Variants in PCDHA7 observed in about 807,000 individuals in gnomAD.
PCDHA7 encodes protocadherin alpha-7.
Under a neutral mutation model 57.2 loss-of-function variants are expected in PCDHA7, and 37 were observed. The observed-to-expected ratio is 0.65, with a 90% CI of 0.50 to 0.85. The LOEUF is 0.85. Ranked by LOEUF, PCDHA7 falls within the 40% of genes least tolerant of loss-of-function variation. The pLI is 0.00. For missense variants in PCDHA7, 1,188 were observed against 1,241.8 expected (o/e 0.96, Z 0.65); for synonymous variants, 553 against 558.8 (o/e 0.99, Z 0.15).
Position 140,835,971 on chromosome 5 carries a change from C to A in PCDHA7, c.1588C>A (p.Leu530Met). Residue 530 changes from leucine to methionine, a missense_variant, in exon 1 of 4, where the codon CTG (leucine) becomes ATG (methionine). Physicochemically the swap from Leu to Met is conservative, Grantham distance 15. Coordinates refer to ENST00000525929, the MANE Select transcript of PCDHA7 (RefSeq NM_018910.3). ...GCCGTTGGACCACGAGGAGCTGGAG[C>A]TGTTGCAGTTCCAGGTGAGCGCGCG... is the stretch of plus-strand genomic sequence containing the variant. ...LQPLDHEELELLQFQVSARDA... is the reference protein window; with the variant it reads ...LQPLDHEELEMLQFQVSARDA... 2 of 1,613,332 alleles carry A rather than the reference C, an allele frequency of 1.2e-6. No homozygotes were observed. Among genetic ancestry groups the A allele is most frequent in the African/African-American group, 1.3e-5 (1 of 75,042 alleles).
intron 1 of PCDHA7, chr5:140,884,440 G>T: frequency 1.2e-6 from 2 of 1,613,830 alleles, no homozygotes; most frequent in Non-Finnish European, 1.7e-6. Flanking sequence ...TGCGGTGCTC[G>T]GCACCGCCCA....
Position 140,850,105 on chromosome 5 carries a change from C to T in PCDHA7, c.2355+13367C>T, listed in dbSNP as rs1554143759. 1.9e-6 allele frequency: 3 copies of T among 1,596,238 alleles called. No homozygotes were observed. In the East Asian group the frequency reaches 6.7e-5, roughly 36 times the overall value. ...GAGCTGCTACAGTTCCAGGTGAGCG[C>T]GCGCGACGCGGGCGTGCCGCCTCTG... On this transcript the variant is annotated intron_variant, in intron 1 of 3. Coordinates refer to ENST00000525929, the MANE Select transcript of PCDHA7 (RefSeq NM_018910.3).
intron 1 of PCDHA7, chr5:140,875,208 C>A: frequency 1.5e-6 from 1 of 668,546 alleles, no homozygotes; most frequent in Non-Finnish European, 2.2e-6. Flanking sequence ...GTGGCTAAAC[C>A]GAAAAGAACC....
rs2150253260 is a variant in PCDHA7 at position 140,836,120 on chromosome 5, G to A, written c.1737G>A (p.Glu579=). The A allele has an allele frequency of 1.2e-6, 2 of 1,613,746 alleles. No individual in the cohort carries two copies. Residue 579 remains glutamate, a synonymous_variant, in exon 1 of 4, where the codon GAG becomes GAA. Coordinates refer to ENST00000525929, the MANE Select transcript of PCDHA7 (RefSeq NM_018910.3). ...GTGGCACTGGTGGCGCAGTGAGAGA[G>A]CTTGTGCCGCGGTCTGTGGGCGCGG... is the stretch of plus-strand genomic sequence containing the variant. ...RVGGTGGAVR[E]LVPRSVGAGH...
chr5:140,936,981 T>C (rs2153630854), intron 1 of PCDHA7, among the ~76,000 whole-genome samples: 1 of 152,330 alleles, frequency 6.6e-6, no homozygotes, highest in South Asian at 2.1e-4. Flanking sequence ...ATGAAGCTTG[T>C]TAACATTGAC....
intron 1 of PCDHA7, chr5:140,864,944 T>C (rs1359231248): frequency 1.3e-5 from 2 of 152,162 alleles, no homozygotes; most frequent in Non-Finnish European, 2.9e-5. Flanking sequence ...AGGCCTGTAA[T>C]CCCAGCATTT....
chr5:140,852,671 T>C (rs1371221007), intron 1 of PCDHA7: 3 of 965,758 alleles, frequency 3.1e-6, no homozygotes, highest in East Asian at 1.1e-4. Context: ...TCAGCACAAC[T>C]CACCTTGAAT....
intron 1 of PCDHA7, among the ~76,000 whole-genome samples, chr5:140,917,890 T>C (rs782473137): frequency 1.3e-5 from 2 of 152,098 alleles, no homozygotes; most frequent in Non-Finnish European, 2.9e-5. Context: ...TTTTTTTCCA[T>C]ATGAATGTTA....
chr5:140,864,887 G>T (rs2048644726), intron 1 of PCDHA7: 1 of 152,148 alleles, frequency 6.6e-6, no homozygotes, highest in African/African-American at 2.4e-5. Flanking sequence ...TGTTCATTAA[G>T]CTGCATGGTC....
rs1774486364 is a variant in PCDHA7 at position 140,836,443 on chromosome 5, C to A, written c.2060C>A (p.Ala687Glu). The A allele has an allele frequency of 3.1e-6, 5 of 1,613,726 alleles. No individual in the cohort carries two copies. The highest frequency in any genetic ancestry group is 1.3e-5 in the African/African-American group (1 of 74,852). ...TCGTCGCGGGCATCGTTGGGCATTG[C>A]AGGCCCAGAGACCGAGCTGGTGGAT... ...KASSRASLGI[A>E]GPETELVDVN... Residue 687 changes from alanine to glutamate, a missense_variant, in exon 1 of 4, where the codon GCA becomes GAA. Physicochemically the swap from Ala to Glu is moderately radical, Grantham distance 107. Around this residue, in one of 3 missense-constraint regions of PCDHA7, gnomAD observed 892 missense variants for 788.5 expected, o/e 1.13. Transcript: ENST00000525929.
At chr5:140,915,772 G>A (rs1282338375) in intron 1 of PCDHA7, among the ~76,000 whole-genome samples, 1 of 151,950 alleles carries the variant, frequency 6.6e-6, no homozygotes, top group East Asian at 1.9e-4. Flanking sequence ...CTTGTCCAAG[G>A]CCTGCTGTAA....
At chr5:140,956,949 A>G (rs1027198370) in intron 1 of PCDHA7, among the ~76,000 whole-genome samples, 5 of 140,514 alleles carry the variant, frequency 3.6e-5, no homozygotes, top group African/African-American at 1.3e-4. Flanking sequence ...TTTACATTAA[A>G]ACACTGTAAT....
At chr5:140,952,389 ACT>A (rs2094739055) in intron 1 of PCDHA7, among the ~76,000 whole-genome samples, 2 of 151,722 alleles carry the variant, frequency 1.3e-5, no homozygotes, top group African/African-American at 4.8e-5. Flanking sequence ...GGTACCCTAA[ACT>A]CATCATTCTC....
At chr5:141,008,723 C>G (rs1480694972) in intron 3 of PCDHA7, among the ~76,000 whole-genome samples, 1 of 152,110 alleles carries the variant, frequency 6.6e-6, no homozygotes, top group Non-Finnish European at 1.5e-5. Flanking sequence ...GAGTGTATGT[C>G]CAACTAGACT....
At chr5:140,843,257 C>T (rs146582216) in intron 1 of PCDHA7, 1 of 1,595,938 alleles carries the variant, frequency 6.3e-7, no homozygotes, top group African/African-American at 1.3e-5. Flanking sequence ...TCCGCGCCAC[C>T]GTCTGCTGGT....
At chr5:140,861,430 A>G (rs370794784) in intron 1 of PCDHA7, 18 of 488,226 alleles carry the variant, frequency 3.7e-5, no homozygotes, top group African/African-American at 3.5e-4. Context: ...TTTCAGTTGG[A>G]TTCCAAAAGC....
chr5:140,840,523 A>G (rs1554137815), intron 1 of PCDHA7, among the ~76,000 whole-genome samples: 3 of 152,058 alleles, frequency 2.0e-5, no homozygotes, highest in African/African-American at 7.3e-5. Flanking sequence ...CAGAAGAAAG[A>G]TGAAGAACTA....
chr5:140,842,608 C>T lies in PCDHA7; in HGVS notation c.2355+5870C>T, dbSNP rs1251086188. On this transcript the variant is annotated intron_variant, in intron 1 of 3. Coordinates refer to ENST00000525929, the MANE Select transcript of PCDHA7 (RefSeq NM_018910.3). ...ATGAGTTGGTGGTAACCGCGCGGGA[C>T]GGGGGCTCGCCTTCGCTGTGGGCCA... The T allele has an allele frequency of 3.9e-6, 6 of 1,557,100 alleles. No homozygotes were observed. The African/African-American group carries it at 4.3e-5, about 11-fold the overall frequency.
In PCDHA7 at chr5:140,870,564, G is replaced by A. The variant is rs782511789; in HGVS notation, c.2355+33826G>A. ...GGGACGCGGACGCGCAGGAGAACGCGCTGGTGTCCTACTCGCTGGTGGAGC... is the reference window on the plus strand; with the variant it reads ...GGGACGCGGACGCGCAGGAGAACGCACTGGTGTCCTACTCGCTGGTGGAGC... On this transcript the variant is annotated intron_variant, in intron 1 of 3. Coordinates refer to ENST00000525929, the MANE Select transcript of PCDHA7 (RefSeq NM_018910.3). 2.5e-6 allele frequency: 4 copies of A among 1,613,884 alleles called. No individual in the cohort carries two copies. In the African/African-American group the frequency reaches 4.0e-5, roughly 16 times the overall value.
Sources: allele counts gnomAD v4.1 joint callset (sites outside exome capture counted in the v4.1 genomes callset), GRCh38; gene constraint gnomAD v4.1.1; regional missense constraint gnomAD v4.1.1; transcripts MANE v1.5; gene names NCBI Gene and HGNC (gene_info 2026-07-23, HGNC 2026-07-21).